The following MAP1A variants were observed in gnomAD, a reference collection of about 807,000 sequenced individuals.
MAP1A encodes microtubule associated protein 1A.
MAP1A carries 42 observed loss-of-function variants against 185.9 expected under a neutral mutation model. The ratio of observed to expected loss-of-function variants is 0.23; its 90% CI spans 0.18 to 0.29. The LOEUF is 0.29. Ranked by LOEUF, MAP1A falls within the 10% of genes least tolerant of loss-of-function variation. The pLI is 1.00. For missense variants in MAP1A, 2,995 were observed against 3,450.4 expected (o/e 0.87, Z 3.31); for synonymous variants, 1,229 against 1,335.9 (o/e 0.92, Z 1.74).
Position 43,523,802 on chromosome 15 carries a change from G to A in MAP1A, c.2329G>A (p.Gly777Arg), listed in dbSNP as rs752885386. 5.6e-6 allele frequency: 9 copies of A among 1,613,894 alleles called. No homozygotes were observed. The East Asian group carries it at 8.9e-5, about 16-fold the overall frequency. ...TCATACAAGTACATATGACCTGCCC[G>A]GGCCTGAAGGTGCTGGCCCATTCGA... is the stretch of plus-strand genomic sequence containing the variant. The part of the protein sequence containing the change: ...RFHTSTYDLP[G>R]PEGAGPFEAS... Residue 777 changes from glycine (G) to arginine (R), a missense_variant, in exon 4 of 6, where the codon GGG (glycine) becomes AGG (arginine). By Grantham distance (125) the Gly-to-Arg change is moderately radical (BLOSUM62 -2). Coordinates refer to ENST00000300231, the MANE Select transcript of MAP1A (RefSeq NM_002373.6).
Position 43,525,328 on chromosome 15 carries a change from C to T in MAP1A, c.3855C>T (p.Asp1285=), listed in dbSNP as rs1456180769. ...CAGACATCACAGATGACAGCCTTGA[C>T]AGGAAGTCACCTGCCAGCTCATTCT... is the stretch of plus-strand genomic sequence containing the variant. ...AQTDITDDSL[D]RKSPASSFSH... Residue 1285 remains aspartate (D), a synonymous_variant, in exon 4 of 6, where the codon GAC becomes GAT. Coordinates refer to ENST00000300231, the MANE Select transcript of MAP1A (RefSeq NM_002373.6). 1.2e-6 allele frequency: 2 copies of T among 1,614,096 alleles called. No homozygotes were observed. Among genetic ancestry groups the T allele is most frequent in the Non-Finnish European group, 8.5e-7 (1 of 1,180,010 alleles).
rs1165742180 is a variant in MAP1A at position 43,530,131 on chromosome 15, G to A, written c.8319G>A (p.Glu2773=). The A allele has an allele frequency of 6.2e-7, 1 of 1,614,200 alleles. No homozygotes were observed. The highest frequency in any genetic ancestry group is 8.5e-7 in the Non-Finnish European group (1 of 1,180,026). Residue 2773 remains glutamate (E), a synonymous_variant, in exon 6 of 6, where the codon GAG becomes GAA. Transcript: ENST00000300231. ...GTGAGTGGTACCAACAAACTCATGA[G>A]CAGCAGCAACAACTGAATGTCCTGG... ...VTREWYQQTH[E]QQQQLNVLVL... is the part of the protein sequence containing the mutation.
intron 1 of MAP1A, among the ~76,000 whole-genome samples, chr15:43,518,717 C>CA (rs1566976482): frequency 6.4e-5 from 9 of 140,928 alleles, no homozygotes; most frequent in African/African-American, 2.5e-4. Context: ...CACCCCCCCC[C>CA]GCAACTCCAG....
Position 43,522,301 on chromosome 15 carries a change from C to T in MAP1A, c.828C>T (p.Ile276=). ...CAGGAAATGCTCCCCAAAACAAGAT[C>T]TTGGAGGGCCTAGAAAAGCTTCGGC... ...LFPGNAPQNK[I]LEGLEKLRHL... The change falls in exon 4 of 6, where the codon ATC becomes ATT. Residue 276 remains isoleucine (I), a synonymous_variant. Coordinates refer to ENST00000300231, the MANE Select transcript of MAP1A (RefSeq NM_002373.6). This position sits in a 1 kb window ranked among gnomAD's most constrained non-coding sequence, Gnocchi z 5.9. The T allele has an allele frequency of 6.2e-7, 1 of 1,614,152 alleles. No homozygotes were observed. The highest frequency in any genetic ancestry group is 1.6e-4 in the Middle Eastern group (1 of 6,062).
Position 43,525,438 on chromosome 15 carries a change from C to G in MAP1A, c.3965C>G (p.Ser1322Cys), listed in dbSNP as rs752326653. The G allele has an allele frequency of 3.1e-6, 5 of 1,614,204 alleles. No homozygotes were observed. Among genetic ancestry groups the G allele is most frequent in the Non-Finnish European group, 4.2e-6 (5 of 1,180,032 alleles). Reference protein sequence around the residue: ...PDEHILTPDSSFSKSPESLPG... With the variant: ...PDEHILTPDSCFSKSPESLPG... ...GAACACATTCTGACACCTGATAGCT[C>G]CTTCTCCAAGAGTCCTGAGTCTTTG... Residue 1322 changes from serine (S) to cysteine (C), a missense_variant, in exon 4 of 6, where the codon TCC (serine) becomes TGC (cysteine). By Grantham distance (112) the Ser-to-Cys change is moderately radical (BLOSUM62 -1). Around this residue, in one of 3 missense-constraint regions of MAP1A, gnomAD observed 2,728 missense variants for 2,986.0 expected, o/e 0.91. Transcript: ENST00000300231.
chr15:43,528,133 G>A lies in MAP1A; in HGVS notation c.6660G>A (p.Val2220=), dbSNP rs2079354078. The change falls in exon 4 of 6, where the codon GTG becomes GTA. Residue 2220 remains valine, a synonymous_variant. Transcript: ENST00000300231. ...CCCGGCATGATGAATACCTGGAAGT[G>A]ACCAAGGCCCCCAGCCTGGATTCCT... The part of the protein sequence containing the change: ...TRTRHDEYLE[V]TKAPSLDSSL... 1 of 1,613,944 alleles carries A rather than the reference G, an allele frequency of 6.2e-7. No individual in the cohort carries two copies.
In MAP1A at chr15:43,524,031, CACTT is replaced by C; in HGVS notation, c.2561_2564del (p.Leu854GlnfsTer63). ...GTGGCTGAGGACCAATCTGTGGCCT[CACTT>C]ACAGCTCCCCAGACAGAGGAGACAG... is the stretch of plus-strand genomic sequence containing the variant. On this transcript the variant is annotated frameshift_variant, in exon 4 of 6. Transcript: ENST00000300231. LOFTEE classifies it high-confidence loss of function. The C allele has an allele frequency of 6.2e-7, 1 of 1,614,106 alleles. No homozygotes were observed. Among genetic ancestry groups the C allele is most frequent in the Non-Finnish European group, 8.5e-7 (1 of 1,180,008 alleles).
Position 43,529,995 on chromosome 15 carries a change from C to A in MAP1A, c.8257-74C>A. ...AGGGCAGCAGAGCTGCTTCTGAGAC[C>A]ATGAGGTGCCCCTTCCCCCTCACCT... On this transcript the variant is annotated intron_variant, in intron 5 of 5. Coordinates refer to ENST00000300231, the MANE Select transcript of MAP1A (RefSeq NM_002373.6). The surrounding 1 kb of genome is among the most constrained non-coding windows in gnomAD (Gnocchi z 4.3). The A allele has an allele frequency of 7.1e-6, 11 of 1,558,778 alleles. No homozygotes were observed. The highest frequency in any genetic ancestry group is 9.7e-6 in the Non-Finnish European group (11 of 1,133,886).
In MAP1A at chr15:43,528,346, A is replaced by G. The variant is rs1289746999; in HGVS notation, c.6873A>G (p.Pro2291=). Residue 2291 remains proline (P), a synonymous_variant, in exon 4 of 6, where the codon CCA becomes CCG. Coordinates refer to ENST00000300231, the MANE Select transcript of MAP1A (RefSeq NM_002373.6). Reference sequence around the variant, plus strand: ...AACAGGAGTCTGGAGAGCTGGACCCAGGAATGGAACCAGCTGCCCACAGCC... The same window carrying G: ...AACAGGAGTCTGGAGAGCTGGACCCGGGAATGGAACCAGCTGCCCACAGCC... ...AAEQESGELD[P]GMEPAAHSLW... 1.2e-6 allele frequency: 2 copies of G among 1,613,966 alleles called. No individual in the cohort carries two copies. The highest frequency in any genetic ancestry group is 1.7e-6 in the Non-Finnish European group (2 of 1,180,034).
rs1214798851 is a variant in MAP1A at position 43,524,308 on chromosome 15, A to G, written c.2835A>G (p.Thr945=). 4 of 1,614,124 alleles carry G rather than the reference A, an allele frequency of 2.5e-6. No homozygotes were observed. Among genetic ancestry groups the G allele is most frequent in the African/African-American group, 1.3e-5 (1 of 74,942 alleles). ...CTGTGGAAGAGGAAGAGGAGGAGAC[A>G]GCAAACGTAGAGATGTCTGAGAAAC... is the stretch of plus-strand genomic sequence containing the variant. ...ERAVEEEEEE[T]ANVEMSEKLC... is the part of the protein sequence containing the mutation. The change falls in exon 4 of 6, where the codon ACA becomes ACG. Residue 945 remains threonine, a synonymous_variant. Coordinates refer to ENST00000300231, the MANE Select transcript of MAP1A (RefSeq NM_002373.6).
rs958839912 is a variant in MAP1A, at chr15:43,526,433, T to C, written c.4960T>C (p.Ser1654Pro). The change falls in exon 4 of 6, where the codon TCT becomes CCT. Residue 1654 changes from serine to proline, a missense_variant. By Grantham distance (74) the Ser-to-Pro change is moderately conservative. Coordinates refer to ENST00000300231, the MANE Select transcript of MAP1A (RefSeq NM_002373.6). This position sits in a 1 kb window ranked among gnomAD's most constrained non-coding sequence, Gnocchi z 4.7. Reference protein sequence around the residue: ...QDVVQEWQETSPTREEPAGEQ... With the variant: ...QDVVQEWQETPPTREEPAGEQ... ...TGTGGTCCAGGAGTGGCAAGAAACA[T>C]CTCCTACCAGAGAGGAGCCGGCTGG... 4 of 1,613,738 alleles carry C rather than the reference T, an allele frequency of 2.5e-6. No homozygotes were observed. The highest frequency in any genetic ancestry group is 2.5e-6 in the Non-Finnish European group (3 of 1,179,950).
chr15:43,513,182 C>G (rs1020979941), upstream of MAP1A, among the ~76,000 whole-genome samples: 1 of 152,134 alleles, frequency 6.6e-6, no homozygotes, highest in African/African-American at 2.4e-5. Flanking sequence ...ACAAAACTAG[C>G]TGGGCGTGGT....
In MAP1A at chr15:43,521,106, C is replaced by T. The variant is rs566833857; in HGVS notation, c.-157C>T. The T allele has an allele frequency of 7.1e-6, 11 of 1,546,560 alleles. No homozygotes were observed. The South Asian group carries it at 8.3e-5, about 12-fold the overall frequency. ...AAAACTTTGCCCAGGTCCTTCACAA[C>T]CCCGAGGTAAGTTCCATGCCAGAGT... On this transcript the variant is annotated 5_prime_UTR_variant, in exon 3 of 6. Coordinates refer to ENST00000300231, the MANE Select transcript of MAP1A (RefSeq NM_002373.6). This position sits in a 1 kb window ranked among gnomAD's most constrained non-coding sequence, Gnocchi z 4.6.
Position 43,528,116 on chromosome 15 carries a change from G to A in MAP1A, c.6643G>A (p.Asp2215Asn). 2 of 1,614,056 alleles carry A rather than the reference G, an allele frequency of 1.2e-6. No homozygotes were observed. Among genetic ancestry groups the A allele is most frequent in the Non-Finnish European group, 1.7e-6 (2 of 1,180,008 alleles). The change falls in exon 4 of 6, where the codon GAT becomes AAT. Residue 2215 changes from aspartate to asparagine, a missense_variant. Asp to Asn is a conservative substitution (Grantham distance 23, BLOSUM62 1). Transcript: ENST00000300231. ...APGPPTRTRH[D>N]EYLEVTKAPS... ...AGGACCCCCCACCAGAACCCGGCAT[G>A]ATGAATACCTGGAAGTGACCAAGGC...
In MAP1A at chr15:43,531,297, C is replaced by T. The variant is rs948920910; in HGVS notation, c.*1073C>T. 2 of 152,758 alleles carry T rather than the reference C, an allele frequency of 1.3e-5. No individual in the cohort carries two copies. The highest frequency in any genetic ancestry group is 2.4e-5 in the African/African-American group (1 of 41,426). 9.5% of individuals were successfully genotyped at this position (152,758 alleles called of 1,614,324 possible). A position where few individuals can be genotyped will look rare whatever the true frequency, so the allele number is the denominator to read the frequency against. On this transcript the variant is annotated 3_prime_UTR_variant, in exon 6 of 6. Transcript: ENST00000300231. ...AGGAAGGAAAAAGGGAGAAGCTGAGCCACAGCTTAACTCCTACAGAGTGAA... is the reference window on the plus strand; with the variant it reads ...AGGAAGGAAAAAGGGAGAAGCTGAGTCACAGCTTAACTCCTACAGAGTGAA...
chr15:43,511,562 A>C (rs1340342148), intron 1 of MAP1A, among the ~76,000 whole-genome samples: 2 of 152,198 alleles, frequency 1.3e-5, no homozygotes, highest in Non-Finnish European at 2.9e-5. Context: ...TGGAGAATCC[A>C]CGTCCCTATC....
Position 43,526,075 on chromosome 15 carries a change from C to T in MAP1A, c.4602C>T (p.His1534=), listed in dbSNP as rs1211621266. 1.2e-6 allele frequency: 2 copies of T among 1,614,118 alleles called. No individual in the cohort carries two copies. The highest frequency in any genetic ancestry group is 1.3e-5 in the African/African-American group (1 of 75,036). The part of the protein sequence containing the change: ...EQTDKAPEQK[H]QAQEQKDKVS... ...CAGACAAAGCCCCTGAACAGAAACA[C>T]CAGGCCCAGGAACAAAAGGATAAAG... The change falls in exon 4 of 6, where the codon CAC becomes CAT. Residue 1534 remains histidine (H), a synonymous_variant. Transcript: ENST00000300231. The surrounding 1 kb of genome is among the most constrained non-coding windows in gnomAD (Gnocchi z 4.7).
chr15:43,513,487 T>A (rs1215231411), upstream of MAP1A, among the ~76,000 whole-genome samples: 1 of 152,364 alleles, frequency 6.6e-6, no homozygotes, highest in Admixed American at 6.5e-5. Flanking sequence ...TAATTCTCAA[T>A]TACTCAGTAT....
In MAP1A at chr15:43,522,894, C is replaced by A; in HGVS notation, c.1421C>A (p.Thr474Asn). The stretch of plus-strand genomic sequence containing the variant: ...CCCTTTACTCCTGAGGTACGTAAGA[C>A]CCTCTATAAAGCCAAGGTCCCTGGA... Reference protein sequence around the residue: ...LKPFTPEVRKTLYKAKVPGRV... With the variant: ...LKPFTPEVRKNLYKAKVPGRV... The change falls in exon 4 of 6, where the codon ACC (threonine) becomes AAC (asparagine). Residue 474 changes from threonine to asparagine, a missense_variant. Coordinates refer to ENST00000300231, the MANE Select transcript of MAP1A (RefSeq NM_002373.6). The surrounding 1 kb of genome is among the most constrained non-coding windows in gnomAD (Gnocchi z 5.9). The A allele has an allele frequency of 6.2e-7, 1 of 1,612,370 alleles. No homozygotes were observed. Among genetic ancestry groups the A allele is most frequent in the South Asian group, 1.1e-5 (1 of 90,772 alleles).
Sources: gnomAD v4.1 joint callset for allele counts (sites outside exome capture counted in the v4.1 genomes callset) on GRCh38, gnomAD v4.1.1 for gene constraint, gnomAD v4.1.1 regional missense constraint, Gnocchi (gnomAD v3.1) non-coding constraint, MANE v1.5 for transcripts, NCBI Gene and HGNC (gene_info 2026-07-23, HGNC 2026-07-21) for gene names.